The following CEP63 variants were observed in gnomAD, a reference collection of about 807,000 sequenced individuals.
CEP63 encodes the protein centrosomal protein 63.
A neutral mutation model predicts 89.1 loss-of-function variants in CEP63; 84 were observed. That is an observed-to-expected ratio of 0.94 (90% CI 0.79 to 1.13). The LOEUF is 1.13. Ranked by LOEUF, CEP63 falls within the 50% of genes most tolerant of loss-of-function variation. The probability of loss-of-function intolerance (pLI) is 0.00; values close to 1 mark genes in which losing one functional copy is unlikely to be tolerated. For missense variants in CEP63, 838 were observed against 813.3 expected, an observed-to-expected ratio of 1.03 and a Z score of -0.37; for synonymous variants, 267 against 272.5, an observed-to-expected ratio of 0.98 and a Z score of 0.20.
chr3:134,529,235 TTTA>T (rs1460261078), intron 3 of CEP63, among the ~76,000 whole-genome samples: 1 of 152,164 alleles, frequency 6.6e-6, no homozygotes, highest in Non-Finnish European at 1.5e-5. Flanking sequence ...GTTTGCATAT[TTTA>T]TTATGTACAT....
intron 3 of CEP63, chr3:134,510,973 A>ATT (rs57657207): frequency 5.1e-3 from 792 of 155,400 alleles, no homozygotes; most frequent in South Asian, 0.016. Context: ...TCCACCTTTG[A>ATT]TTTTTTTTTT....
At chr3:134,568,169 C>G (rs1473465739), downstream of CEP63, among the ~76,000 whole-genome samples, 2 of 152,098 alleles carry the variant, frequency 1.3e-5, no homozygotes, top group African/African-American at 4.8e-5. Flanking sequence ...CATCAGTTCC[C>G]AGAGCTGTCC....
chr3:134,519,408 A>T (rs1192398985), intron 3 of CEP63, among the ~76,000 whole-genome samples: 1 of 151,784 alleles, frequency 6.6e-6, no homozygotes, highest in African/African-American at 2.4e-5. Context: ...TGCTGGGATT[A>T]CAGGCGTGAG....
the CEP63 span, among the ~76,000 whole-genome samples, chr3:134,684,038 T>C: frequency 6.6e-6 from 1 of 152,066 alleles, no homozygotes; most frequent in East Asian, 1.9e-4. Flanking sequence ...CCAGGAGAAG[T>C]GGATGCCTGG....
chr3:134,661,816 C>A, the CEP63 span, among the ~76,000 whole-genome samples: 1 of 151,270 alleles, frequency 6.6e-6, no homozygotes, highest in East Asian at 2.0e-4. Flanking sequence ...TGCCCCCCCC[C>A]TCAAATTCAT....
rs772832987 is a variant in CEP63, at chr3:134,545,724, A to G, written c.694A>G (p.Met232Val). 2 of 1,614,164 alleles carry G rather than the reference A, an allele frequency of 1.2e-6. No individual in the cohort carries two copies. ...ANELEIERLT[M>V]RVNDLVGTSM... ...TGAGTTGGAAATAGAGCGCCTCACC[A>G]TGAGGGTCAATGACTTGGTTGGAAC... The change falls in exon 7 of 15, where the codon ATG becomes GTG. Residue 232 changes from methionine to valine, a missense_variant. Transcript: ENST00000675561.
At chr3:134,565,055 A>G, downstream of CEP63, 1 of 805,752 alleles carries the variant, frequency 1.2e-6, no homozygotes, top group Non-Finnish European at 1.5e-6. Context: ...CTTAACACAC[A>G]TTTTCCAAAA....
At chr3:134,615,125 C>G in the CEP63 span, 1 of 152,208 alleles carries the variant, frequency 6.6e-6, no homozygotes, top group African/African-American at 2.4e-5. Flanking sequence ...CCTTTTCTTA[C>G]ACACTACCCT....
chr3:134,692,785 C>G, the CEP63 span, among the ~76,000 whole-genome samples: 1 of 152,174 alleles, frequency 6.6e-6, no homozygotes, highest in African/African-American at 2.4e-5. Flanking sequence ...TGGGACTGCC[C>G]TGGTTCCAAC....
At chr3:134,636,684 G>C in the CEP63 span, among the ~76,000 whole-genome samples, 1 of 152,216 alleles carries the variant, frequency 6.6e-6, no homozygotes, top group East Asian at 1.9e-4. Context: ...CTGCAGATTG[G>C]TGAGCTCGTA....
At chr3:134,495,731 C>T (rs528383704) in intron 2 of CEP63, among the ~76,000 whole-genome samples, 2 of 152,276 alleles carry the variant, frequency 1.3e-5, no homozygotes, top group Admixed American at 6.5e-5. Context: ...ACATTCTTCA[C>T]CCCCAACCCC....
chr3:134,552,096 A>G (rs1319290980), intron 12 of CEP63, 84 bp downstream of exon 12: 1 of 765,892 alleles, frequency 1.3e-6, no homozygotes, highest in African/African-American at 1.8e-5. Context: ...TAAAGAGAGA[A>G]TTAAGATCAA....
the CEP63 span, among the ~76,000 whole-genome samples, chr3:134,644,114 C>T: frequency 9.2e-5 from 14 of 152,122 alleles, no homozygotes; most frequent in African/African-American, 1.4e-4. Flanking sequence ...CGTGAGCCAC[C>T]GCGCCCGGCC....
the CEP63 span, chr3:134,608,948 T>C: frequency 7.9e-7 from 1 of 1,267,384 alleles, no homozygotes; most frequent in South Asian, 1.5e-5. Context: ...AGAGGCACCA[T>C]CTCCGACCCT....
At chr3:134,630,466 G>A in the CEP63 span, among the ~76,000 whole-genome samples, 1 of 152,214 alleles carries the variant, frequency 6.6e-6, no homozygotes, top group Non-Finnish European at 1.5e-5. Flanking sequence ...GGCCTATATG[G>A]CAGAGTGAGG....
At chr3:134,623,304 C>T in the CEP63 span, among the ~76,000 whole-genome samples, 3 of 152,308 alleles carry the variant, frequency 2.0e-5, no homozygotes, top group East Asian at 5.8e-4. Context: ...TTACAAAAAT[C>T]TGGGCCCTTT....
chr3:134,668,994 G>A, the CEP63 span, among the ~76,000 whole-genome samples: 1 of 151,994 alleles, frequency 6.6e-6, no homozygotes, highest in Non-Finnish European at 1.5e-5. Flanking sequence ...CACAGACCAT[G>A]TATTTAGGGC....
the CEP63 span, among the ~76,000 whole-genome samples, chr3:134,777,621 T>C: frequency 6.8e-6 from 1 of 147,068 alleles, no homozygotes; most frequent in East Asian, 2.0e-4. Context: ...TTTTTTTTTT[T>C]TTTTTTTTTT....
the CEP63 span, among the ~76,000 whole-genome samples, chr3:134,633,009 T>A: frequency 1.3e-5 from 2 of 151,972 alleles, no homozygotes; most frequent in Non-Finnish European, 2.9e-5. Context: ...TTCTACAACT[T>A]AGATGAAATG....
Sources: gnomAD v4.1 joint callset for allele counts (sites outside exome capture counted in the v4.1 genomes callset) on GRCh38, gnomAD v4.1.1 for gene constraint, MANE v1.5 for transcripts, NCBI Gene and HGNC (gene_info 2026-07-23, HGNC 2026-07-21) for gene names.